ESRRG: variants seen among roughly 807,000 people sequenced by gnomAD.
ESRRG encodes the protein estrogen-related receptor gamma.
Under a neutral mutation model 44.0 loss-of-function variants are expected in ESRRG, and 13 were observed. That is an observed-to-expected ratio of 0.30 (90% confidence interval 0.19 to 0.47). ESRRG has a LOEUF of 0.47. Ranked by LOEUF, ESRRG falls within the 20% of genes least tolerant of loss-of-function variation. The pLI is 1.00. For missense variants in ESRRG, 395 were observed against 580.6 expected (o/e 0.68, Z 3.29); for synonymous variants, 215 against 214.6 (o/e 1.00, Z -0.02).
At chr1:216,801,861 A>G (rs1454164876) in intron 2 of ESRRG, among the ~76,000 whole-genome samples, 5 of 152,144 alleles carry the variant, frequency 3.3e-5, no homozygotes. Flanking sequence ...CTTCAGAGGA[A>G]ATCCTGCTTA....
At chr1:216,514,121 T>C (rs2043491465) in intron 6 of ESRRG, among the ~76,000 whole-genome samples, 1 of 152,076 alleles carries the variant, frequency 6.6e-6, no homozygotes, top group Non-Finnish European at 1.5e-5. Flanking sequence ...ACAGTGACCA[T>C]TGAACATGAA....
chr1:217,094,209 A>G (rs1020112094), upstream of ESRRG, among the ~76,000 whole-genome samples: 2 of 152,148 alleles, frequency 1.3e-5, no homozygotes, highest in Admixed American at 6.5e-5. Context: ...ATCAACAACC[A>G]TGTTTACCAG....
intron 2 of ESRRG, among the ~76,000 whole-genome samples, chr1:216,890,473 T>G (rs988068663): frequency 6.6e-6 from 1 of 152,124 alleles, no homozygotes; most frequent in African/African-American, 2.4e-5. Context: ...AATTCCAACT[T>G]TATTGTTCAG....
chr1:216,878,407 C>A (rs1490957925), intron 2 of ESRRG, among the ~76,000 whole-genome samples: 1 of 152,150 alleles, frequency 6.6e-6, no homozygotes, highest in Non-Finnish European at 1.5e-5. Context: ...AATATACATA[C>A]TTAAATTCTA....
intron 1 of ESRRG, among the ~76,000 whole-genome samples, chr1:216,954,153 A>C (rs1440777502): frequency 6.6e-6 from 1 of 152,106 alleles, no homozygotes; most frequent in Non-Finnish European, 1.5e-5. Context: ...CTCTGAACGT[A>C]TTTTTTAGAT....
chr1:216,728,914 C>T (rs1225699629), intron 2 of ESRRG, among the ~76,000 whole-genome samples: 2 of 152,028 alleles, frequency 1.3e-5, no homozygotes, highest in African/African-American at 4.8e-5. Flanking sequence ...TTATAAATGA[C>T]TATGTTTGAT....
intron 1 of ESRRG, among the ~76,000 whole-genome samples, chr1:216,980,769 C>G (rs866770745): frequency 3.0e-4 from 45 of 152,286 alleles, no homozygotes; most frequent in African/African-American, 1.0e-3. Context: ...CATACAATGT[C>G]CATTACAACT....
At chr1:217,119,504 A>G (rs2092790199) in intron 1 of ESRRG, among the ~76,000 whole-genome samples, 1 of 152,230 alleles carries the variant, frequency 6.6e-6, no homozygotes, top group Non-Finnish European at 1.5e-5. Flanking sequence ...AGAGCTAAAA[A>G]ATAAATAGTC....
chr1:216,599,554 G>T (rs2058913232), intron 3 of ESRRG, among the ~76,000 whole-genome samples: 1 of 152,158 alleles, frequency 6.6e-6, no homozygotes, highest in South Asian at 2.1e-4. Context: ...CTTACAAAGA[G>T]CCCACTTAAT....
At chr1:216,910,260 G>A (rs956156509) in intron 2 of ESRRG, among the ~76,000 whole-genome samples, 1 of 150,004 alleles carries the variant, frequency 6.7e-6, no homozygotes. Flanking sequence ...ACACACACAC[G>A]CATACATTGT....
At chr1:216,877,617 G>T (rs936945278) in intron 2 of ESRRG, among the ~76,000 whole-genome samples, 2 of 151,948 alleles carry the variant, frequency 1.3e-5, no homozygotes, top group African/African-American at 2.4e-5. Flanking sequence ...ATATTGGCCA[G>T]GCTGTCTCGA....
intron 3 of ESRRG, among the ~76,000 whole-genome samples, chr1:216,638,914 A>G (rs1429004672): frequency 6.6e-6 from 1 of 152,226 alleles, no homozygotes; most frequent in African/African-American, 2.4e-5. Flanking sequence ...GCCATAGCAG[A>G]TAGAAATATT....
At chr1:216,823,795 G>A (rs984399986) in intron 2 of ESRRG, among the ~76,000 whole-genome samples, 1 of 152,058 alleles carries the variant, frequency 6.6e-6, no homozygotes, top group African/African-American at 2.4e-5. Flanking sequence ...AGTTTCTCAG[G>A]AAAATTTCAA....
intron 5 of ESRRG, among the ~76,000 whole-genome samples, chr1:216,540,328 A>G (rs2052332509): frequency 1.3e-5 from 2 of 152,038 alleles, no homozygotes; most frequent in Admixed American, 1.3e-4. Flanking sequence ...TTCATTTATT[A>G]CACATTTTAA....
At chr1:217,110,424 T>C (rs1045091768) in intron 1 of ESRRG, among the ~76,000 whole-genome samples, 2 of 152,156 alleles carry the variant, frequency 1.3e-5, no homozygotes, top group African/African-American at 4.8e-5. Flanking sequence ...TCTTTCTTGA[T>C]GTGTAAGGCC....
At chr1:217,069,546 A>C (rs568977846) in intron 1 of ESRRG, among the ~76,000 whole-genome samples, 7 of 152,132 alleles carry the variant, frequency 4.6e-5, no homozygotes, top group Non-Finnish European at 8.8e-5. Flanking sequence ...AACCTTGGAA[A>C]TACAAGGACT....
intron 1 of ESRRG, among the ~76,000 whole-genome samples, chr1:216,698,798 C>G (rs1358052123): frequency 6.6e-6 from 1 of 152,164 alleles, no homozygotes; most frequent in Non-Finnish European, 1.5e-5. Context: ...AGATGCCTCT[C>G]TCCAGTGTCT....
chr1:216,966,017 T>A (rs553645726), intron 1 of ESRRG, among the ~76,000 whole-genome samples: 1 of 152,286 alleles, frequency 6.6e-6, no homozygotes, highest in Non-Finnish European at 1.5e-5. Context: ...TCCAAAATGA[T>A]ACTGACACTG....
intron 2 of ESRRG, among the ~76,000 whole-genome samples, chr1:216,781,248 A>G (rs1465156302): frequency 6.6e-6 from 1 of 151,998 alleles, no homozygotes; most frequent in African/African-American, 2.4e-5. Flanking sequence ...CACTGTGTGC[A>G]GTGCTAGGAA....
Sources: allele counts gnomAD v4.1 joint callset (sites outside exome capture counted in the v4.1 genomes callset), GRCh38; gene constraint gnomAD v4.1.1; transcripts MANE v1.5; gene names NCBI Gene and HGNC (gene_info 2026-07-23, HGNC 2026-07-21).